Variants in TBL1X observed in about 807,000 individuals in gnomAD.
TBL1X encodes the protein transducin beta like 1 X-linked, also known as F-box-like/WD repeat-containing protein TBL1X.
In TBL1X, 10 loss-of-function variants were observed where a neutral mutation model predicts 50.7. The observed-to-expected ratio is 0.20, with a 90% CI of 0.12 to 0.33. TBL1X has a LOEUF of 0.33. Among genes scored for constraint, TBL1X ranks in the 10% least tolerant of loss-of-function variants. The probability of loss-of-function intolerance (pLI) is 1.00; values close to 1 mark genes in which losing one functional copy is unlikely to be tolerated. For synonymous variants in TBL1X, 190 were observed against 214.7 expected (o/e 0.88, Z 1.01); for missense variants, 340 against 504.4 (o/e 0.67, Z 3.12).
At chrX:9,485,305 G>A (rs183516655) in intron 1 of TBL1X, among the ~76,000 whole-genome samples, 224 of 112,398 alleles carry the variant, frequency 2.0e-3, no homozygotes, top group African/African-American at 6.6e-3. Context: ...TTAATCGTTT[G>A]TTAGTTGTTC....
At chrX:9,705,627 A>T (rs962025548) in intron 13 of TBL1X, among the ~76,000 whole-genome samples, 1 of 107,529 alleles carries the variant, frequency 9.3e-6, no homozygotes, top group Non-Finnish European at 1.9e-5. Flanking sequence ...ATGGTGATGC[A>T]CACCTGTAGT....
chrX:9,703,250 TCACCAGAGAAGGGAAGGGAAGAG>T lies in TBL1X; in HGVS notation c.1115-1742_1115-1720del, dbSNP rs2083185928. On this transcript the variant is annotated intron_variant, in intron 12 of 17. Coordinates refer to ENST00000645353, the MANE Select transcript of TBL1X (RefSeq NM_005647.4). Reference sequence around the variant, plus strand: ...TCACCAGAGAAGGGAAGGGAAGAGATCACCAGAGAAGGGAAGGGAAGAGATCACCAGAGAAGGGAAGGGAAGAG... The same window carrying T: ...TCACCAGAGAAGGGAAGGGAAGAGATATCACCAGAGAAGGGAAGGGAAGAG... 3.3e-5 allele frequency among the ~76,000 whole-genome samples: 3 copies of T among 91,120 alleles called. 1 individual carries two copies. Among genetic ancestry groups the T allele is most frequent in the African/African-American group, 1.1e-4 (3 of 27,297 alleles). 79.1% of individuals were successfully genotyped at this position (91,120 alleles called of 115,157 possible).
At chrX:9,646,377 G>A (rs188641231) in intron 3 of TBL1X, among the ~76,000 whole-genome samples, 260 of 112,492 alleles carry the variant, frequency 2.3e-3, no homozygotes, top group African/African-American at 7.5e-3. Context: ...TGTTAGAAAA[G>A]GTGTATTGGG....
At chrX:9,484,084 G>A (rs1407017111) in intron 1 of TBL1X, among the ~76,000 whole-genome samples, 1 of 111,822 alleles carries the variant, frequency 8.9e-6, no homozygotes, top group Non-Finnish European at 1.9e-5. Context: ...TGCCCAGGCT[G>A]GTCTCAATCT....
intron 11 of TBL1X, among the ~76,000 whole-genome samples, chrX:9,696,547 C>A (rs780166731): frequency 8.9e-6 from 1 of 112,874 alleles, no homozygotes; most frequent in African/African-American, 3.2e-5. Flanking sequence ...ATTTCCTTTG[C>A]TTTCCAAGGG....
intron 5 of TBL1X, among the ~76,000 whole-genome samples, chrX:9,663,277 G>C (rs1323938282): frequency 8.9e-6 from 1 of 111,803 alleles, no homozygotes; most frequent in Non-Finnish European, 1.9e-5. Flanking sequence ...GAAAACAGTG[G>C]CTTATTTATA....
Position 9,536,173 on chromosome X carries a change from GTTA to G in TBL1X, c.-131+34330_-131+34332del, listed in dbSNP as rs766930329. ...CCTTACAAGCTGCTGCATTACAGTC[GTTA>G]TTATTGGGCCATTACAAAAAGCTGT... On this transcript the variant is annotated intron_variant, in intron 2 of 17. Transcript: ENST00000645353. Among the ~76,000 whole-genome samples, 10 of 111,013 alleles carry G rather than the reference GTTA, an allele frequency of 9.0e-5. No individual in the cohort carries two copies. In the South Asian group the frequency reaches 3.8e-3, roughly 42 times the overall value.
At chrX:9,542,745 G>A (rs1452026816) in intron 2 of TBL1X, among the ~76,000 whole-genome samples, 4 of 111,955 alleles carry the variant, frequency 3.6e-5, no homozygotes, top group Non-Finnish European at 7.5e-5. Flanking sequence ...GTAAGCATCC[G>A]CTGCACCAGA....
intron 5 of TBL1X, among the ~76,000 whole-genome samples, chrX:9,675,014 A>G (rs1048769034): frequency 7.1e-5 from 8 of 111,984 alleles, no homozygotes; most frequent in East Asian, 2.8e-4. Flanking sequence ...ATTTAGTTCT[A>G]TTGTTCGCAT....
chrX:9,596,039 G>A (rs186966367), intron 2 of TBL1X, among the ~76,000 whole-genome samples: 19 of 111,864 alleles, frequency 1.7e-4, no homozygotes, highest in African/African-American at 5.8e-4. Flanking sequence ...TTCTTTTCCT[G>A]TTTAGACTTT....
At chrX:9,526,237 C>T (rs1436353651) in intron 2 of TBL1X, among the ~76,000 whole-genome samples, 1 of 111,486 alleles carries the variant, frequency 9.0e-6, no homozygotes, top group Non-Finnish European at 1.9e-5. Flanking sequence ...GTCTGGCTCT[C>T]TGAGCTTTAC....
At chrX:9,590,388 A>C (rs1486558080) in intron 2 of TBL1X, among the ~76,000 whole-genome samples, 1 of 102,113 alleles carries the variant, frequency 9.8e-6, no homozygotes, top group Non-Finnish European at 2.0e-5. Flanking sequence ...AAGTCAGATG[A>C]AAACACGAAT....
At chrX:9,632,575 G>A (rs1030872336) in intron 2 of TBL1X, among the ~76,000 whole-genome samples, 2 of 111,860 alleles carry the variant, frequency 1.8e-5, no homozygotes, top group Non-Finnish European at 1.9e-5. Flanking sequence ...GAGCCACTGC[G>A]CCCAGCCAAA....
At chrX:9,555,788 A>C (rs1207946103) in intron 2 of TBL1X, among the ~76,000 whole-genome samples, 1 of 112,038 alleles carries the variant, frequency 8.9e-6, no homozygotes, top group Non-Finnish European at 1.9e-5. Context: ...AGGGACTACC[A>C]TGAACTGCTT....
chrX:9,512,093 A>C (rs189301903), intron 2 of TBL1X, among the ~76,000 whole-genome samples: 1 of 111,330 alleles, frequency 9.0e-6, no homozygotes, highest in Admixed American at 9.5e-5. Flanking sequence ...TCCTGGTCTC[A>C]AGTGATCCTC....
At chrX:9,505,412 G>A (rs181658252) in intron 2 of TBL1X, among the ~76,000 whole-genome samples, 12 of 111,850 alleles carry the variant, frequency 1.1e-4, no homozygotes, top group Non-Finnish European at 1.9e-4. Flanking sequence ...TAACCAAATA[G>A]CATCATGATG....
chrX:9,672,847 T>C (rs941119814), intron 5 of TBL1X, among the ~76,000 whole-genome samples: 1 of 112,905 alleles, frequency 8.9e-6, no homozygotes, highest in Non-Finnish European at 1.9e-5. Context: ...TATGTCACTC[T>C]TTGCCTTAGT....
chrX:9,587,745 T>C (rs1305610801), intron 2 of TBL1X, among the ~76,000 whole-genome samples: 1 of 111,213 alleles, frequency 9.0e-6, no homozygotes, highest in Non-Finnish European at 1.9e-5. Flanking sequence ...CAGCCCAGTT[T>C]AGAACATTTT....
chrX:9,614,250 A>C (rs2082628771), intron 2 of TBL1X, among the ~76,000 whole-genome samples: 1 of 111,212 alleles, frequency 9.0e-6, no homozygotes, highest in Admixed American at 9.5e-5. Context: ...ACCTCATCCT[A>C]ACTCTTTCCA....
Sources: allele counts gnomAD v4.1 joint callset (sites outside exome capture counted in the v4.1 genomes callset), GRCh38; gene constraint gnomAD v4.1.1; transcripts MANE v1.5; gene names NCBI Gene and HGNC (gene_info 2026-07-23, HGNC 2026-07-21).